Variants in FBXL17 observed in about 807,000 individuals in gnomAD.
FBXL17 encodes F-box/LRR-repeat protein 17.
FBXL17 carries 22 observed loss-of-function variants against 66.2 expected under a neutral mutation model. The ratio of observed to expected loss-of-function variants is 0.33; its 90% CI spans 0.24 to 0.47. The LOEUF (loss-of-function observed/expected upper bound fraction) is 0.47, where lower values mean the gene tolerates loss of function less well. FBXL17 is among the 20% of genes least tolerant of loss of function. The pLI is 1.00. For missense variants in FBXL17, 878 were observed against 948.2 expected (o/e 0.93, Z 0.97); for synonymous variants, 474 against 400.5 (o/e 1.18, Z -2.19).
At chr5:107,890,468 C>T (rs1387544084) in intron 7 of FBXL17, among the ~76,000 whole-genome samples, 1 of 151,662 alleles carries the variant, frequency 6.6e-6, no homozygotes, top group Non-Finnish European at 1.5e-5. Flanking sequence ...TCAAGACCAG[C>T]CTGGGCAACA....
At chr5:108,351,503 G>A (rs760256108) in intron 3 of FBXL17, among the ~76,000 whole-genome samples, 2 of 152,106 alleles carry the variant, frequency 1.3e-5, no homozygotes, top group African/African-American at 2.4e-5. Flanking sequence ...TTCCCCTTGT[G>A]AATAAACTGC....
At chr5:108,221,662 A>G (rs1055099576) in intron 5 of FBXL17, among the ~76,000 whole-genome samples, 1 of 152,198 alleles carries the variant, frequency 6.6e-6, no homozygotes, top group Non-Finnish European at 1.5e-5. Context: ...ATTATGTACT[A>G]TGATGATAAG....
At chr5:108,173,561 G>A (rs1752685307) in intron 6 of FBXL17, among the ~76,000 whole-genome samples, 1 of 152,098 alleles carries the variant, frequency 6.6e-6, no homozygotes. Context: ...TTTAACACGT[G>A]TTTCTCTAAA....
intron 6 of FBXL17, among the ~76,000 whole-genome samples, chr5:108,177,742 G>C (rs1253186902): frequency 1.3e-5 from 2 of 151,862 alleles, no homozygotes; most frequent in Non-Finnish European, 2.9e-5. Flanking sequence ...TATTCAACGT[G>C]TCTGGGCCTT....
At position 107,911,228 on chromosome 5, in the gene FBXL17, G is replaced by GT. The variant is rs537558936; in HGVS notation, c.1823-30050dup. Among the ~76,000 whole-genome samples, 12 of 152,172 alleles carry GT rather than the reference G, an allele frequency of 7.9e-5. No individual in the cohort carries two copies. In the South Asian group the frequency reaches 2.3e-3, roughly 29 times the overall value. ...CTGAAGAGATTCCAGGAACAGACTT[G>GT]TGGATATATGAAAATTTTTATAAGA... On this transcript the variant is annotated intron_variant, in intron 7 of 8. Coordinates refer to ENST00000542267, the MANE Select transcript of FBXL17 (RefSeq NM_001163315.3).
intron 6 of FBXL17, among the ~76,000 whole-genome samples, chr5:108,181,502 C>G (rs1166700327): frequency 6.6e-6 from 1 of 152,064 alleles, no homozygotes; most frequent in African/African-American, 2.4e-5. Flanking sequence ...AATTCAAGGA[C>G]CAGAAAATGC....
intron 5 of FBXL17, among the ~76,000 whole-genome samples, chr5:108,218,875 G>T (rs1754726119): frequency 6.6e-6 from 1 of 152,224 alleles, no homozygotes; most frequent in South Asian, 2.1e-4. Flanking sequence ...CATTCCATAG[G>T]TTGTCTTTTC....
intron 2 of FBXL17, among the ~76,000 whole-genome samples, chr5:108,366,743 GA>G (rs1403219480): frequency 2.6e-5 from 4 of 151,996 alleles, no homozygotes; most frequent in Non-Finnish European, 4.4e-5. Context: ...TAAAGGTCAT[GA>G]ACCCAAGCAA....
At chr5:108,226,490 A>T (rs2910791) in intron 4 of FBXL17, among the ~76,000 whole-genome samples, 117,580 of 152,080 alleles carry the variant, frequency 0.77, 46,089 homozygotes, top group East Asian at 0.93. Context: ...ATGTGTCTTA[A>T]GAAGTCTTTT....
At chr5:108,183,506 GA>G (rs1421616069) in intron 6 of FBXL17, among the ~76,000 whole-genome samples, 1 of 152,164 alleles carries the variant, frequency 6.6e-6, no homozygotes, top group South Asian at 2.1e-4. Flanking sequence ...TGATTATAGA[GA>G]AGAATTTTAC....
chr5:108,371,722 T>G (rs774803617), intron 1 of FBXL17, among the ~76,000 whole-genome samples: 1 of 152,074 alleles, frequency 6.6e-6, no homozygotes, highest in Non-Finnish European at 1.5e-5. Context: ...TAATAAAAAG[T>G]AGAAATTATG....
intron 6 of FBXL17, among the ~76,000 whole-genome samples, chr5:108,137,962 T>C (rs984405307): frequency 6.6e-6 from 1 of 152,216 alleles, no homozygotes; most frequent in African/African-American, 2.4e-5. Flanking sequence ...TGTAGCTGTA[T>C]ACTACTTGGA....
chr5:108,098,746 T>A (rs1299415743), intron 6 of FBXL17, among the ~76,000 whole-genome samples: 775 of 118,130 alleles, frequency 6.6e-3, no homozygotes, highest in Middle Eastern at 9.1e-3. Flanking sequence ...CTCTGTCTCA[T>A]AAAAAAAAAA....
At chr5:108,239,118 C>T (rs1181769412) in intron 4 of FBXL17, among the ~76,000 whole-genome samples, 8 of 151,932 alleles carry the variant, frequency 5.3e-5, no homozygotes, top group Middle Eastern at 3.2e-3. Flanking sequence ...TACAGTAGCG[C>T]GATCATACCT....
chr5:108,127,833 A>G (rs1750781287), intron 6 of FBXL17, among the ~76,000 whole-genome samples: 1 of 152,238 alleles, frequency 6.6e-6, no homozygotes, highest in Admixed American at 6.5e-5. Context: ...CTATGTATAA[A>G]TCCATCCAAA....
chr5:108,086,664 T>C (rs944052180), intron 6 of FBXL17, among the ~76,000 whole-genome samples: 8 of 152,168 alleles, frequency 5.3e-5, no homozygotes, highest in Admixed American at 3.9e-4. Context: ...GTTCAAGTGA[T>C]TCTCCTGCCT....
intron 7 of FBXL17, among the ~76,000 whole-genome samples, chr5:107,885,496 A>G (rs1748936607): frequency 6.6e-6 from 1 of 152,204 alleles, no homozygotes; most frequent in Non-Finnish European, 1.5e-5. Flanking sequence ...TTGCAAAATG[A>G]TGGTAACAGC....
chr5:108,260,986 C>T (rs929708874), intron 4 of FBXL17, among the ~76,000 whole-genome samples: 5 of 151,646 alleles, frequency 3.3e-5, no homozygotes, highest in Admixed American at 6.6e-5. Flanking sequence ...CATGATATAG[C>T]TAAGGCACTA....
intron 6 of FBXL17, among the ~76,000 whole-genome samples, chr5:108,027,855 C>T (rs1428178516): frequency 6.6e-6 from 1 of 152,034 alleles, no homozygotes; most frequent in Non-Finnish European, 1.5e-5. Flanking sequence ...GGTAGAAACA[C>T]ATGTAGTTAG....
Sources: allele counts gnomAD v4.1 joint callset (sites outside exome capture counted in the v4.1 genomes callset), GRCh38; gene constraint gnomAD v4.1.1; transcripts MANE v1.5; gene names NCBI Gene and HGNC (gene_info 2026-07-23, HGNC 2026-07-21).